The following GNB1 variants were observed in gnomAD, a reference collection of about 807,000 sequenced individuals.
GNB1 encodes the protein guanine nucleotide-binding protein G(I)/G(S)/G(T) subunit beta-1.
GNB1 carries 2 observed loss-of-function variants against 42.9 expected under a neutral mutation model. That is an observed-to-expected ratio of 0.05 (90% CI 0.02 to 0.15). GNB1 has a LOEUF of 0.15. Ranked by LOEUF, GNB1 falls within the 10% of genes least tolerant of loss-of-function variation. The pLI, the probability that GNB1 is intolerant of heterozygous loss-of-function variation, is 1.00. For missense variants in GNB1, 193 were observed against 462.2 expected (o/e 0.42, Z 5.34); for synonymous variants, 183 against 174.7 (o/e 1.05, Z -0.38).
chr1:1,847,250 T>TAA (rs1232437474), intron 1 of GNB1, among the ~76,000 whole-genome samples: 1 of 152,162 alleles, frequency 6.6e-6, no homozygotes, highest in Non-Finnish European at 1.5e-5. Flanking sequence ...GGGGAAGAGA[T>TAA]AAACACCAGT....
At chr1:1,868,180 T>TAA (rs1321892314) in intron 1 of GNB1, among the ~76,000 whole-genome samples, 6 of 152,174 alleles carry the variant, frequency 3.9e-5, no homozygotes, top group African/African-American at 1.4e-4. Context: ...GTTTTGTTTT[T>TAA]TTGTTTTTTT....
chr1:1,865,039 G>C (rs1648848634), intron 1 of GNB1, among the ~76,000 whole-genome samples: 1 of 151,810 alleles, frequency 6.6e-6, no homozygotes, highest in African/African-American at 2.4e-5. Flanking sequence ...GAGGCGGGCA[G>C]ATCACAAGGT....
intron 7 of GNB1, among the ~76,000 whole-genome samples, chr1:1,801,942 C>T (rs1313322656): frequency 1.3e-5 from 2 of 152,144 alleles, no homozygotes; most frequent in African/African-American, 2.4e-5. Context: ...GAAAAAGCAG[C>T]GGTTCCCAAC....
At chr1:1,848,301 C>A (rs1647784171) in intron 1 of GNB1, among the ~76,000 whole-genome samples, 1 of 148,590 alleles carries the variant, frequency 6.7e-6, no homozygotes, top group Non-Finnish European at 1.5e-5. Context: ...ACCGCTTGAA[C>A]CCAGGAGGCG....
At chr1:1,863,009 A>G (rs985468091) in intron 1 of GNB1, among the ~76,000 whole-genome samples, 2 of 152,180 alleles carry the variant, frequency 1.3e-5, no homozygotes, top group Non-Finnish European at 2.9e-5. Context: ...CCCTCTACCT[A>G]AGAGCACAGT....
At chr1:1,853,828 G>C (rs1206277221) in intron 1 of GNB1, among the ~76,000 whole-genome samples, 1 of 152,038 alleles carries the variant, frequency 6.6e-6, no homozygotes, top group East Asian at 1.9e-4. Context: ...CACCAGTTTA[G>C]GTCAGAGTAA....
intron 1 of GNB1, among the ~76,000 whole-genome samples, chr1:1,851,242 C>A (rs991023521): frequency 6.6e-6 from 1 of 152,042 alleles, no homozygotes; most frequent in Admixed American, 6.6e-5. Context: ...GAAACCATAT[C>A]TCTACTAAAA....
At chr1:1,869,837 G>C (rs1649151576) in intron 1 of GNB1, among the ~76,000 whole-genome samples, 1 of 151,988 alleles carries the variant, frequency 6.6e-6, no homozygotes, top group East Asian at 1.9e-4. Flanking sequence ...ATGCTGCTTT[G>C]TTATGTCTTC....
intron 1 of GNB1, among the ~76,000 whole-genome samples, chr1:1,884,068 C>T (rs1336512444): frequency 2.0e-5 from 3 of 150,234 alleles, no homozygotes; most frequent in Non-Finnish European, 2.9e-5. Context: ...CAGGTTCAAG[C>T]GATTCTCTTG....
chr1:1,808,875 C>T (rs1646738335), intron 5 of GNB1, among the ~76,000 whole-genome samples: 1 of 152,158 alleles, frequency 6.6e-6, no homozygotes, highest in South Asian at 2.1e-4. Context: ...AACTCCTGGC[C>T]TCAAGTGATC....
At chr1:1,801,850 G>A (rs566442878) in intron 7 of GNB1, among the ~76,000 whole-genome samples, 5 of 152,232 alleles carry the variant, frequency 3.3e-5, no homozygotes, top group East Asian at 1.9e-4. Context: ...ACAATGATGC[G>A]AGGTCTGTAA....
chr1:1,875,101 T>C (rs1307165955), intron 1 of GNB1, among the ~76,000 whole-genome samples: 2 of 152,130 alleles, frequency 1.3e-5, no homozygotes, highest in African/African-American at 2.4e-5. Flanking sequence ...GAATGCTCGC[T>C]TGCCCACCTC....
intron 1 of GNB1, among the ~76,000 whole-genome samples, chr1:1,854,741 T>C (rs1434215171): frequency 6.6e-6 from 1 of 152,186 alleles, no homozygotes; most frequent in East Asian, 1.9e-4. Flanking sequence ...ACGTCATGTC[T>C]TTAAAAAATT....
chr1:1,862,947 A>C (rs1328444118), intron 1 of GNB1, among the ~76,000 whole-genome samples: 1 of 152,190 alleles, frequency 6.6e-6, no homozygotes, highest in Non-Finnish European at 1.5e-5. Flanking sequence ...TAACTGCCAT[A>C]CACACACAAG....
intron 7 of GNB1, among the ~76,000 whole-genome samples, chr1:1,794,857 T>C (rs967862626): frequency 6.6e-6 from 1 of 152,048 alleles, no homozygotes; most frequent in Non-Finnish European, 1.5e-5. Flanking sequence ...ACACAGCTAA[T>C]TTTTGTATTT....
chr1:1,836,793 C>T (rs1353224655), intron 2 of GNB1, among the ~76,000 whole-genome samples: 2 of 151,978 alleles, frequency 1.3e-5, no homozygotes, highest in Middle Eastern at 3.2e-3. Flanking sequence ...TCAGGTGATC[C>T]GCCTGCCTGG....
intron 3 of GNB1, among the ~76,000 whole-genome samples, chr1:1,823,508 T>A (rs1646960053): frequency 1.3e-5 from 2 of 152,184 alleles, no homozygotes; most frequent in South Asian, 4.1e-4. Flanking sequence ...TAATTTTATA[T>A]CAAACTAAAT....
chr1:1,812,879 G>A (rs369760286), intron 5 of GNB1, among the ~76,000 whole-genome samples: 5 of 120,618 alleles, frequency 4.1e-5, no homozygotes, highest in African/African-American at 1.6e-4. Flanking sequence ...CCATCTCTTC[G>A]GTCCCTGAAC....
In GNB1 at chr1:1,808,057, G is replaced by C. The variant is rs954446859; in HGVS notation, c.204-1519C>G. Among the ~76,000 whole-genome samples, 16 of 151,752 alleles carry C rather than the reference G, an allele frequency of 1.1e-4. 1 individual carries two copies. Among genetic ancestry groups the C allele is most frequent in the Admixed American group, 9.2e-4 (14 of 15,198 alleles). ...AGTTTTGCTTTTGTTGCCCAGGCTG[G>C]AGTGCAATGGTGCGTCGGCTCACCG... On this transcript the variant is annotated intron_variant, in intron 5 of 11. Coordinates refer to ENST00000378609, the MANE Select transcript of GNB1 (RefSeq NM_002074.5).
Sources: allele counts gnomAD v4.1 joint callset (sites outside exome capture counted in the v4.1 genomes callset), GRCh38; gene constraint gnomAD v4.1.1; transcripts MANE v1.5; gene names NCBI Gene and HGNC (gene_info 2026-07-23, HGNC 2026-07-21).